The following TNS1 variants were observed in gnomAD, a reference collection of about 807,000 sequenced individuals.
TNS1 encodes the protein tensin-1.
TNS1 carries 62 observed loss-of-function variants against 168.6 expected under a neutral mutation model. That is an observed-to-expected ratio of 0.37 (90% CI 0.30 to 0.45). The LOEUF is 0.45. Ranked by LOEUF, TNS1 falls within the 20% of genes least tolerant of loss-of-function variation. The pLI, the probability that TNS1 is intolerant of heterozygous loss-of-function variation, is 1.00. For missense variants in TNS1, 2,240 were observed against 2,339.4 expected (o/e 0.96, Z 0.88); for synonymous variants, 934 against 933.2 (o/e 1.00, Z -0.02).
At chr2:217,841,650 G>A (rs969817561) in intron 19 of TNS1, among the ~76,000 whole-genome samples, 3 of 152,024 alleles carry the variant, frequency 2.0e-5, no homozygotes, top group Non-Finnish European at 2.9e-5. Context: ...AGGTGCCATC[G>A]TGGGACCAGG....
intron 19 of TNS1, chr2:217,841,291 C>T: frequency 1.0e-6 from 1 of 984,256 alleles, no homozygotes; most frequent in Non-Finnish European, 1.2e-6. Context: ...GTACGCTGCC[C>T]ACCCCCCACC....
chr2:217,947,289 G>A (rs1957135020), intron 3 of TNS1, among the ~76,000 whole-genome samples: 1 of 152,148 alleles, frequency 6.6e-6, no homozygotes, highest in African/African-American at 2.4e-5. Context: ...GAACTTGGGG[G>A]AGGGAGGGCA....
At chr2:217,980,752 C>A (rs1034971822) in intron 2 of TNS1, among the ~76,000 whole-genome samples, 6 of 152,090 alleles carry the variant, frequency 3.9e-5, no homozygotes, top group African/African-American at 1.4e-4. Flanking sequence ...ATGAGGGACA[C>A]AATGGGGGCC....
Position 217,848,859 on chromosome 2 carries a change from G to T in TNS1, c.1658C>A (p.Ala553Asp). Residue 553 changes from alanine to aspartate, a missense_variant, in exon 19 of 33, where the codon GCC becomes GAC. Around this residue, in one of 2 missense-constraint regions of TNS1, gnomAD observed 2,131 missense variants for 2,171.2 expected, o/e 0.98. Transcript: ENST00000682258. ...TDEPVPGASS[A>D]TAALSPQEKR... ...CTCCTGGGGACTCAAGGCAGCAGTG[G>T]CACTGGAGGCCCCGGGGACAGGCTC... 6.2e-7 allele frequency: 1 copy of T among 1,614,020 alleles called. No homozygotes were observed. The highest frequency in any genetic ancestry group is 8.5e-7 in the Non-Finnish European group (1 of 1,180,004).
intron 1 of TNS1, among the ~76,000 whole-genome samples, chr2:218,031,048 G>A (rs914855428): frequency 6.6e-6 from 1 of 151,060 alleles, no homozygotes; most frequent in Admixed American, 6.6e-5. Context: ...GAGTGAGCAT[G>A]TGAGCATATG....
At chr2:217,979,492 T>G (rs1331460370) in intron 2 of TNS1, among the ~76,000 whole-genome samples, 1 of 151,116 alleles carries the variant, frequency 6.6e-6, no homozygotes, top group Non-Finnish European at 1.5e-5. Context: ...GAACAGATGC[T>G]CACATAAACT....
intron 3 of TNS1, among the ~76,000 whole-genome samples, chr2:217,937,933 G>A (rs557447962): frequency 6.6e-6 from 1 of 152,244 alleles, no homozygotes; most frequent in East Asian, 1.9e-4. Context: ...CCAAGCCCAG[G>A]ACTGAACACA....
At chr2:217,954,811 C>G (rs951384763) in intron 3 of TNS1, among the ~76,000 whole-genome samples, 1 of 152,212 alleles carries the variant, frequency 6.6e-6, no homozygotes, top group Non-Finnish European at 1.5e-5. Flanking sequence ...CCCCAGGCCC[C>G]CTGTGGGCTT....
chr2:218,021,503 T>G (rs887560422), intron 1 of TNS1, among the ~76,000 whole-genome samples: 6 of 152,200 alleles, frequency 3.9e-5, no homozygotes, highest in African/African-American at 1.4e-4. Context: ...ACAACGCAAC[T>G]GCTGCCTGGC....
chr2:217,946,961 T>TCACACACACACACA (rs1363329507), intron 3 of TNS1, among the ~76,000 whole-genome samples: 112 of 133,924 alleles, frequency 8.4e-4, no homozygotes, highest in African/African-American at 3.6e-3. Context: ...TCTCTCTCTC[T>TCACACACACACACA]CTCTCTCTCA....
intron 3 of TNS1, among the ~76,000 whole-genome samples, chr2:217,925,365 C>A (rs985453192): frequency 2.0e-5 from 3 of 152,146 alleles, no homozygotes; most frequent in African/African-American, 7.2e-5. Flanking sequence ...AGGACCAGGG[C>A]CCCAACTGGG....
intron 16 of TNS1, 102 bp from the exon 17 acceptor site, chr2:217,882,513 G>T: frequency 1.6e-6 from 1 of 638,364 alleles, no homozygotes; most frequent in East Asian, 2.9e-5. Flanking sequence ...ATATGTACAT[G>T]GTTAATAATA....
rs1337717654 is a variant in TNS1, at chr2:217,995,306, C to T, written c.34-4250G>A. 1.3e-5 allele frequency among the ~76,000 whole-genome samples: 2 copies of T among 152,160 alleles called. No homozygotes were observed. The highest frequency in any genetic ancestry group is 2.1e-4 in the South Asian group (1 of 4,826). On this transcript the variant is annotated intron_variant, in intron 1 of 32. Transcript: ENST00000682258. The surrounding 1 kb of genome is among the most constrained non-coding windows in gnomAD (Gnocchi z 4.1). ...CCAGGATGCTAGAGGAGAAAGTCTA[C>T]GGTCGGTGAGCCTCCTATCCTCAAA...
intron 4 of TNS1, among the ~76,000 whole-genome samples, chr2:217,917,582 A>C (rs1228945199): frequency 2.0e-5 from 3 of 152,080 alleles, no homozygotes; most frequent in Non-Finnish European, 4.4e-5. Flanking sequence ...CTGTAATCCC[A>C]GCACTTTGAG....
intron 18 of TNS1, chr2:217,858,401 C>T: frequency 5.5e-6 from 3 of 544,954 alleles, no homozygotes; most frequent in Non-Finnish European, 4.7e-6. Flanking sequence ...CACACCCTCC[C>T]AGCACAGAAG....
chr2:217,901,306 T>G (rs1354835872), intron 6 of TNS1, among the ~76,000 whole-genome samples: 1 of 152,186 alleles, frequency 6.6e-6, no homozygotes, highest in African/African-American at 2.4e-5. Flanking sequence ...TAATGTCACA[T>G]GTAAAATGGG....
At chr2:217,810,143 C>T (rs892087819) in intron 29 of TNS1, 105 bp downstream of exon 29, 4 of 1,465,008 alleles carry the variant, frequency 2.7e-6, no homozygotes, top group Non-Finnish European at 3.8e-6. Flanking sequence ...TTCCCAGAGA[C>T]ATTTGGGCCT....
At chr2:217,956,520 A>G (rs1957367083) in intron 3 of TNS1, among the ~76,000 whole-genome samples, 1 of 152,204 alleles carries the variant, frequency 6.6e-6, no homozygotes, top group African/African-American at 2.4e-5. Flanking sequence ...ATGGAGACAC[A>G]GGCGCTGGAA....
intron 16 of TNS1, among the ~76,000 whole-genome samples, chr2:217,884,819 G>A (rs1200065631): frequency 2.0e-5 from 3 of 152,218 alleles, no homozygotes; most frequent in African/African-American, 7.2e-5. Context: ...GGACTGGGAG[G>A]AGTTTATCTC....
Sources: gnomAD v4.1 joint callset for allele counts (sites outside exome capture counted in the v4.1 genomes callset) on GRCh38, gnomAD v4.1.1 for gene constraint, gnomAD v4.1.1 regional missense constraint, Gnocchi (gnomAD v3.1) non-coding constraint, MANE v1.5 for transcripts, NCBI Gene and HGNC (gene_info 2026-07-23, HGNC 2026-07-21) for gene names.